The following DISP1 variants were observed in gnomAD, a reference collection of about 807,000 sequenced individuals.
DISP1 encodes the protein protein dispatched homolog 1.
A neutral mutation model predicts 37.3 loss-of-function variants in DISP1; 30 were observed. The observed-to-expected ratio is 0.80, with a 90% CI of 0.60 to 1.09. DISP1 has a LOEUF of 1.09. DISP1 is among the 50% of genes least tolerant of loss of function. DISP1 has a pLI of 0.00. For missense variants in DISP1, 1,598 were observed against 1,879.5 expected, an observed-to-expected ratio of 0.85 and a Z score of 2.77; for synonymous variants, 634 against 690.2, an observed-to-expected ratio of 0.92 and a Z score of 1.28.
At chr1:222,998,125 G>A (rs1207227521) in intron 8 of DISP1, among the ~76,000 whole-genome samples, 3 of 151,754 alleles carry the variant, frequency 2.0e-5, no homozygotes, top group African/African-American at 7.3e-5. Context: ...TCGACTTTCA[G>A]AATATTACTG....
intron 2 of DISP1, among the ~76,000 whole-genome samples, chr1:222,934,751 C>G (rs1349774911): frequency 1.3e-5 from 2 of 152,096 alleles, no homozygotes; most frequent in African/African-American, 2.4e-5. Flanking sequence ...ACAAATGTAT[C>G]TCAGTTAACT....
chr1:222,852,464 C>T (rs1309201139), intron 1 of DISP1, among the ~76,000 whole-genome samples: 2 of 152,048 alleles, frequency 1.3e-5, no homozygotes, highest in Non-Finnish European at 1.5e-5. Flanking sequence ...ACCTTGGCCT[C>T]CCAATGTGCT....
At chr1:222,948,019 ATCAC>A (rs1468030869) in intron 3 of DISP1, among the ~76,000 whole-genome samples, 1 of 152,224 alleles carries the variant, frequency 6.6e-6, no homozygotes, top group East Asian at 1.9e-4. Context: ...GGGAGTAAGA[ATCAC>A]AACTGATTTT....
intron 1 of DISP1, among the ~76,000 whole-genome samples, chr1:222,888,975 G>T (rs184850587): frequency 6.6e-6 from 1 of 151,968 alleles, no homozygotes; most frequent in African/African-American, 2.4e-5. Flanking sequence ...TACATATAAT[G>T]TATAGTGATC....
chr1:222,943,757 G>T (rs982832880), intron 3 of DISP1, among the ~76,000 whole-genome samples: 1 of 152,116 alleles, frequency 6.6e-6, no homozygotes, highest in Admixed American at 6.6e-5. Flanking sequence ...GGCCAGATGC[G>T]GTGGCTCATG....
At chr1:222,960,367 G>T (rs191739911) in intron 3 of DISP1, among the ~76,000 whole-genome samples, 304 of 152,242 alleles carry the variant, frequency 2.0e-3, no homozygotes, top group Admixed American at 5.4e-3. Flanking sequence ...GCTCCTGATT[G>T]ACTCCTGGGT....
At chr1:222,990,035 C>T (rs959769126) in intron 4 of DISP1, among the ~76,000 whole-genome samples, 1 of 152,146 alleles carries the variant, frequency 6.6e-6, no homozygotes, top group Non-Finnish European at 1.5e-5. Context: ...AACTCCTGAC[C>T]TTGTGATCCA....
chr1:222,938,822 A>G (rs1674168835), intron 2 of DISP1, among the ~76,000 whole-genome samples: 1 of 147,848 alleles, frequency 6.8e-6, no homozygotes, highest in Non-Finnish European at 1.5e-5. Context: ...CTTTCTCTGT[A>G]TGGGCCTTAG....
rs571820805 is a variant in DISP1, at chr1:222,875,993, G to A, written c.-158-52437G>A. On this transcript the variant is annotated intron_variant, in intron 1 of 8. Coordinates refer to ENST00000675850, the MANE Select transcript of DISP1 (RefSeq NM_001377229.1). ...TTTTCCTGAAAAAAAAAAAAGAAAT[G>A]TACAAACAGCCAGGGAAATTCTGAA... Among the ~76,000 whole-genome samples the A allele has an allele frequency of 1.9e-4, 29 of 150,876 alleles. 1 individual carries two copies. The highest frequency in any genetic ancestry group is 9.9e-4 in the Admixed American group (15 of 15,158).
chr1:222,830,328 CT>C (rs1665424584), intron 1 of DISP1, among the ~76,000 whole-genome samples: 1 of 151,612 alleles, frequency 6.6e-6, no homozygotes, highest in African/African-American at 2.4e-5. Flanking sequence ...TCCTTTCCTT[CT>C]TTTTATTTCA....
At chr1:222,927,894 C>CT (rs1463572646) in intron 1 of DISP1, among the ~76,000 whole-genome samples, 3 of 152,288 alleles carry the variant, frequency 2.0e-5, no homozygotes, top group African/African-American at 7.2e-5. Flanking sequence ...TAAAACTACT[C>CT]TAACATTTTA....
At chr1:222,823,682 A>T (rs901887994) in intron 1 of DISP1, among the ~76,000 whole-genome samples, 3 of 152,226 alleles carry the variant, frequency 2.0e-5, no homozygotes, top group African/African-American at 7.2e-5. Context: ...AATAAAAATA[A>T]ATAAGTAAAA....
At chr1:222,986,000 T>C (rs1398397972) in intron 4 of DISP1, among the ~76,000 whole-genome samples, 1 of 151,918 alleles carries the variant, frequency 6.6e-6, no homozygotes, top group Non-Finnish European at 1.5e-5. Flanking sequence ...TAAGAAAGAG[T>C]TATTAAGAGA....
chr1:222,954,084 G>A (rs1465716332), intron 3 of DISP1, among the ~76,000 whole-genome samples: 8 of 150,380 alleles, frequency 5.3e-5, no homozygotes, highest in Non-Finnish European at 1.0e-4. Flanking sequence ...TTTTCTTTTT[G>A]GTTAAAAAAA....
intron 4 of DISP1, among the ~76,000 whole-genome samples, chr1:222,987,526 G>C (rs1392437188): frequency 1.3e-5 from 2 of 152,230 alleles, no homozygotes; most frequent in East Asian, 3.8e-4. Context: ...TCCATATGTA[G>C]TCAGTGCACG....
chr1:222,943,394 G>C (rs1674528956), intron 3 of DISP1, 62 bp downstream of exon 3: 1 of 1,606,634 alleles, frequency 6.2e-7, no homozygotes, highest in South Asian at 1.1e-5. Context: ...ATGACAGCTT[G>C]TGTTTATTTT....
At chr1:222,828,496 A>T (rs1361385118) in intron 1 of DISP1, among the ~76,000 whole-genome samples, 5 of 152,160 alleles carry the variant, frequency 3.3e-5, no homozygotes, top group African/African-American at 4.8e-5. Context: ...AACAGTGTTT[A>T]TATTTACCCA....
Position 222,936,469 on chromosome 1 carries a change from A to G in DISP1, c.-17-6338A>G, listed in dbSNP as rs568921916. 2.0e-4 allele frequency among the ~76,000 whole-genome samples: 30 copies of G among 150,028 alleles called. No homozygotes were observed. The East Asian group carries it at 4.1e-3, about 20-fold the overall frequency. On this transcript the variant is annotated intron_variant, in intron 2 of 8. Transcript: ENST00000675850. ...GAGTTGGATGTCATTATTTTGAACC[A>G]TCTAATCATATGAACTCTGATGACA...
intron 1 of DISP1, among the ~76,000 whole-genome samples, chr1:222,887,206 C>T (rs1186367818): frequency 6.6e-6 from 1 of 152,148 alleles, no homozygotes; most frequent in East Asian, 1.9e-4. Flanking sequence ...GTGTATTACC[C>T]TCTTACACTT....
Sources: gnomAD v4.1 joint callset for allele counts (sites outside exome capture counted in the v4.1 genomes callset) on GRCh38, gnomAD v4.1.1 for gene constraint, MANE v1.5 for transcripts, NCBI Gene and HGNC (gene_info 2026-07-23, HGNC 2026-07-21) for gene names.